The following SCO2 variants were observed in gnomAD, a reference collection of about 807,000 sequenced individuals.
SCO2 encodes the protein synthesis of cytochrome C oxidase 2, also known as cytochrome c oxidase assembly factor SCO2.
For missense variants in SCO2, 429 were observed against 348.7 expected (o/e 1.23, Z -1.83); for synonymous variants, 195 against 148.6 (o/e 1.31, Z -2.27).
chr22:50,525,413 C>G (rs995436335), intron 1 of SCO2, 59 bp downstream of exon 1: 16 of 339,780 alleles, frequency 4.7e-5, no homozygotes, highest in African/African-American at 6.8e-5. Flanking sequence ...GGGAAACTAC[C>G]CCGGAGTCCA....
At position 50,523,898 on chromosome 22, in the gene SCO2, C is replaced by T. The variant is rs2069201879; in HGVS notation, c.514G>A (p.Asp172Asn). The T allele has an allele frequency of 1.2e-6, 2 of 1,613,722 alleles. No homozygotes were observed. Among genetic ancestry groups the T allele is most frequent in the African/African-American group, 1.3e-5 (1 of 74,930 alleles). ...PVFITVDPER[D>N]DVEAMARYVQ... is the part of the protein sequence containing the mutation. ...TAGCGGGCCATGGCTTCAACGTCGT[C>T]CCGCTCGGGGTCCACAGTGATGAAG... The change falls in exon 2 of 2, where the codon GAC becomes AAC. Residue 172 changes from aspartate to asparagine, a missense_variant. By Grantham distance (23) the Asp-to-Asn change is conservative (BLOSUM62 1). Transcript: ENST00000395693.
In SCO2 at chr22:50,524,291, G is replaced by T. The variant is rs368831999; in HGVS notation, c.121C>A (p.Gln41Lys). 6.2e-7 allele frequency: 1 copy of T among 1,603,238 alleles called. No homozygotes were observed. Among genetic ancestry groups the T allele is most frequent in the Admixed American group, 1.7e-5 (1 of 60,020 alleles). ...LHLRSWLLSR[Q>K]GPAETGGQGQ... ...TGCCCACCTGTCTCTGCAGGGCCCTGCCTTGACAAAAGCCAGGACCTCAGA... is the reference window on the plus strand; with the variant it reads ...TGCCCACCTGTCTCTGCAGGGCCCTTCCTTGACAAAAGCCAGGACCTCAGA... Residue 41 changes from glutamine to lysine, a missense_variant, in exon 2 of 2, where the codon CAG becomes AAG. Physicochemically the swap from Gln to Lys is moderately conservative, Grantham distance 53 (BLOSUM62 1). Coordinates refer to ENST00000395693, the MANE Select transcript of SCO2 (RefSeq NM_005138.3).
intron 1 of SCO2, 72 bp downstream of exon 1, chr22:50,525,400 G>A (rs1473511893): frequency 9.5e-6 from 3 of 315,948 alleles, no homozygotes; most frequent in Non-Finnish European, 1.8e-5. Flanking sequence ...AGTAGCCGGA[G>A]CTGGGAAACT....
rs1262198604 is a variant in SCO2 at position 50,524,163 on chromosome 22, C to T, written c.249G>A (p.Glu83=). 6.2e-7 allele frequency: 1 copy of T among 1,610,922 alleles called. No homozygotes were observed. The highest frequency in any genetic ancestry group is 8.5e-7 in the Non-Finnish European group (1 of 1,180,014). Residue 83 remains glutamate, a synonymous_variant, in exon 2 of 2, where the codon GAG becomes GAA. Coordinates refer to ENST00000395693, the MANE Select transcript of SCO2 (RefSeq NM_005138.3). ...CTGTTCGCTTTTGCTGCTGCAGCCT[C>T]TCCTTCTCAGCCCTCAGGGCCAGCC... ...GAWLALRAEK[E]RLQQQKRTEA...
intron 1 of SCO2, chr22:50,524,709 A>G (rs1306534441): frequency 2.4e-5 from 15 of 629,970 alleles, no homozygotes; most frequent in Non-Finnish European, 4.6e-5. Context: ...GCTGACGGAA[A>G]GCATTCCAAG....
At chr22:50,526,387 G>C (rs2069377884), upstream of SCO2, 18 of 1,525,372 alleles carry the variant, frequency 1.2e-5, no homozygotes, top group Non-Finnish European at 1.6e-5. Flanking sequence ...AAGCGGCCAA[G>C]GGCCGAGCCG....
In SCO2 at chr22:50,524,188, C is replaced by G. The variant is rs1471259864; in HGVS notation, c.224G>C (p.Trp75Ser). The G allele has an allele frequency of 1.9e-6, 3 of 1,609,104 alleles. No individual in the cohort carries two copies. The highest frequency in any genetic ancestry group is 2.5e-6 in the Non-Finnish European group (3 of 1,179,956). The change falls in exon 2 of 2, where the codon TGG becomes TCG. Residue 75 changes from tryptophan to serine, a missense_variant. Physicochemically the swap from Trp to Ser is radical, Grantham distance 177 (BLOSUM62 -3). Coordinates refer to ENST00000395693, the MANE Select transcript of SCO2 (RefSeq NM_005138.3). ...GLFGAGLGGA[W>S]LALRAEKERL... The stretch of plus-strand genomic sequence containing the variant: ...CTCCTTCTCAGCCCTCAGGGCCAGC[C>G]AGGCCCCACCGAGTCCAGCCCCGAA...
chr22:50,525,597 TC>T lies in SCO2; in HGVS notation c.-140del, dbSNP rs1569521872. 2 of 987,284 alleles carry T rather than the reference TC, an allele frequency of 2.0e-6. No homozygotes were observed. The highest frequency in any genetic ancestry group is 1.7e-5 in the African/African-American group (1 of 58,424). The allele number at this position is 987,284 out of a possible 1,614,324, so 61.2% of individuals were successfully genotyped here. The stretch of plus-strand genomic sequence containing the variant: ...CACGCTCACAGGCAGGGCGCAGGCG[TC>T]CCCGGAGCTGCGCATGCGCACACGG... On this transcript the variant is annotated 5_prime_UTR_variant, in exon 1 of 2. Coordinates refer to ENST00000395693, the MANE Select transcript of SCO2 (RefSeq NM_005138.3).
At chr22:50,525,845 C>A, upstream of SCO2, 1 of 1,607,180 alleles carries the variant, frequency 6.2e-7, no homozygotes, top group Non-Finnish European at 8.5e-7. Context: ...AGAGTACGAG[C>A]GCCTCCTGCA....
In SCO2 at chr22:50,525,566, G is replaced by A. The variant is rs1000474738; in HGVS notation, c.-108C>T. On this transcript the variant is annotated 5_prime_UTR_variant, in exon 1 of 2. Coordinates refer to ENST00000395693, the MANE Select transcript of SCO2 (RefSeq NM_005138.3). ...TGCCCCGCCGGCTCAGGGAAAGCGG[G>A]CGCCACACGCTCACAGGCAGGGCGC... The A allele has an allele frequency of 1.4e-6, 1 of 730,640 alleles. No homozygotes were observed. Among genetic ancestry groups the A allele is most frequent in the South Asian group, 1.8e-5 (1 of 55,364 alleles). The allele number at this position is 730,640 out of a possible 1,614,324, so 45.3% of individuals were successfully genotyped here.
Position 50,523,618 on chromosome 22 carries a change from A to G in SCO2, c.794T>C (p.Leu265Pro). 2 of 1,613,426 alleles carry G rather than the reference A, an allele frequency of 1.2e-6. No individual in the cohort carries two copies. Among genetic ancestry groups the G allele is most frequent in the East Asian group, 2.2e-5 (1 of 44,882 alleles). The change falls in exon 2 of 2, where the codon CTG (leucine) becomes CCG (proline). Residue 265 changes from leucine (L) to proline (P), a missense_variant. Transcript: ENST00000395693. ...RRHMAAFRSV[L>P]S The stretch of plus-strand genomic sequence containing the variant: ...GGCCCAGACTGCAGTGGCTCAAGAC[A>G]GGACACTGCGGAAAGCCGCCATGTG...
rs750730829 is a variant in SCO2, at chr22:50,524,223, G to C, written c.189C>G (p.Ile63Met). The C allele has an allele frequency of 1.2e-6, 2 of 1,607,988 alleles. No individual in the cohort carries two copies. Among genetic ancestry groups the C allele is most frequent in the East Asian group, 2.2e-5 (1 of 44,880 alleles). The change falls in exon 2 of 2, where the codon ATC (isoleucine) becomes ATG (methionine). Residue 63 changes from isoleucine to methionine, a missense_variant. By Grantham distance (10) the Ile-to-Met change is conservative. Transcript: ENST00000395693. ...CGAGTCCAGCCCCGAACAGGCCTGT[G>C]ATCAGCAGCCGGGTTCGAAGCCCAG... ...QGPGLRTRLL[I>M]TGLFGAGLGG...
In SCO2 at chr22:50,524,044, C is replaced by T; in HGVS notation, c.368G>A (p.Trp123Ter). 1 of 1,613,482 alleles carries T rather than the reference C, an allele frequency of 6.2e-7. No homozygotes were observed. Among genetic ancestry groups the T allele is most frequent in the Non-Finnish European group, 8.5e-7 (1 of 1,180,028 alleles). Residue 123 changes from tryptophan (W) to a stop codon, truncating the protein, a stop_gained, in exon 2 of 2, where the codon TGG becomes TAG. Transcript: ENST00000395693. LOFTEE classifies it low-confidence loss of function (END_TRUNC). ...AGTGAAGCCAAAGTACATCAGCACC[C>T]ACTGGCCCCGGAAGTCAGCCTTGCA... ...ARCKADFRGQ[W>*]VLMYFGFTHC... is the part of the protein sequence containing the mutation.
chr22:50,526,243 C>A, upstream of SCO2: 1 of 1,540,326 alleles, frequency 6.5e-7, no homozygotes, highest in East Asian at 2.5e-5. Flanking sequence ...CCCCGACGCT[C>A]ACCATCTGCG....
At chr22:50,526,001 C>T, upstream of SCO2, 1 of 1,433,680 alleles carries the variant, frequency 7.0e-7, no homozygotes, top group South Asian at 1.4e-5. Flanking sequence ...CGGCGCTCAC[C>T]ACGGCGCAGC....
intron 1 of SCO2, among the ~76,000 whole-genome samples, chr22:50,525,032 G>A (rs1239568921): frequency 6.6e-6 from 1 of 152,200 alleles, no homozygotes; most frequent in African/African-American, 2.4e-5. Flanking sequence ...GCTCCTCCGG[G>A]CTCACAGCCG....
At chr22:50,524,871 C>T (rs2148673876) in intron 1 of SCO2, 1 of 359,708 alleles carries the variant, frequency 2.8e-6, no homozygotes, top group Admixed American at 3.6e-5. Context: ...CAACCGCGGC[C>T]TTCCTCCACA....
At chr22:50,525,700 C>T (rs2069321217), upstream of SCO2, 16 of 1,565,768 alleles carry the variant, frequency 1.0e-5, no homozygotes, top group South Asian at 1.4e-4. Flanking sequence ...TCGAGACGGC[C>T]CCCGCCTCCG....
chr22:50,525,069 T>C (rs776082164), intron 1 of SCO2, among the ~76,000 whole-genome samples: 1 of 152,184 alleles, frequency 6.6e-6, no homozygotes, highest in Non-Finnish European at 1.5e-5. Flanking sequence ...TTGGTGACCT[T>C]TGAGCCTTTC....
Sources: allele counts gnomAD v4.1 joint callset (sites outside exome capture counted in the v4.1 genomes callset), GRCh38; gene constraint gnomAD v4.1.1; transcripts MANE v1.5; gene names NCBI Gene and HGNC (gene_info 2026-07-23, HGNC 2026-07-21).